The following CTIF variants were observed in gnomAD, a reference collection of about 807,000 sequenced individuals.
CTIF encodes the protein CBP80/20-dependent translation initiation factor.
Under a neutral mutation model 66.0 loss-of-function variants are expected in CTIF, and 21 were observed. That is an observed-to-expected ratio of 0.32 (90% CI 0.23 to 0.46). CTIF has a LOEUF of 0.46. CTIF is among the 20% of genes least tolerant of loss of function. The pLI is 1.00. For synonymous variants in CTIF, 345 were observed against 326.4 expected (o/e 1.06, Z -0.62); for missense variants, 739 against 812.7 (o/e 0.91, Z 1.10).
chr18:48,731,057 G>A (rs918565598), intron 7 of CTIF, among the ~76,000 whole-genome samples: 2 of 152,152 alleles, frequency 1.3e-5, no homozygotes, highest in Non-Finnish European at 2.9e-5. Flanking sequence ...AAAGGCATGA[G>A]GATGAGAAAG....
intron 3 of CTIF, among the ~76,000 whole-genome samples, chr18:48,655,357 G>A (rs924677782): frequency 1.3e-5 from 2 of 150,628 alleles, no homozygotes; most frequent in African/African-American, 2.4e-5. Context: ...GAATGAGGCC[G>A]CAGGAAGCAG....
At chr18:48,616,848 A>T (rs2090409539) in intron 1 of CTIF, among the ~76,000 whole-genome samples, 1 of 152,226 alleles carries the variant, frequency 6.6e-6, no homozygotes, top group Admixed American at 6.5e-5. Flanking sequence ...TGGCAGGTGG[A>T]GGGAAGGAGA....
In CTIF at chr18:48,710,843, G is replaced by A. The variant is rs192914050; in HGVS notation, c.508-776G>A. The stretch of plus-strand genomic sequence containing the variant: ...AAAAACAAGCCAGGCGTGGTGATGT[G>A]TGCCTATGATACTGGCTACACGGGA... On this transcript the variant is annotated intron_variant, in intron 6 of 11. Transcript: ENST00000256413. 3.0e-4 allele frequency among the ~76,000 whole-genome samples: 46 copies of A among 152,272 alleles called. No individual in the cohort carries two copies. In the East Asian group the frequency reaches 5.4e-3, roughly 18 times the overall value.
chr18:48,754,142 A>G (rs979641168), intron 7 of CTIF, among the ~76,000 whole-genome samples: 3 of 152,318 alleles, frequency 2.0e-5, no homozygotes, highest in African/African-American at 7.2e-5. Flanking sequence ...TTTGGACCTC[A>G]TGCAGTTATC....
At chr18:48,693,989 A>G (rs905788926) in intron 6 of CTIF, among the ~76,000 whole-genome samples, 1 of 152,232 alleles carries the variant, frequency 6.6e-6, no homozygotes, top group Non-Finnish European at 1.5e-5. Context: ...GGGAATTTTT[A>G]AAACCACATT....
intron 1 of CTIF, among the ~76,000 whole-genome samples, chr18:48,592,310 C>A (rs2089902258): frequency 6.6e-6 from 1 of 151,960 alleles, no homozygotes; most frequent in African/African-American, 2.4e-5. Flanking sequence ...TTGAGACCAG[C>A]CTGACCAACA....
intron 1 of CTIF, chr18:48,567,902 A>T (rs1437474730): frequency 6.6e-6 from 1 of 152,268 alleles, no homozygotes; most frequent in Admixed American, 6.5e-5. Flanking sequence ...AGCGAGGTGG[A>T]GCGAGCTGGG....
chr18:48,625,885 A>G (rs930818958), intron 2 of CTIF, among the ~76,000 whole-genome samples: 5 of 152,178 alleles, frequency 3.3e-5, no homozygotes, highest in African/African-American at 1.2e-4. Context: ...AAGTAAAATT[A>G]ATTTTAATAG....
At position 48,681,958 on chromosome 18, in the gene CTIF, A is replaced by G. The variant is rs746727356; in HGVS notation, c.507+11214A>G. 7.2e-5 allele frequency among the ~76,000 whole-genome samples: 11 copies of G among 151,876 alleles called. No individual in the cohort carries two copies. The East Asian group carries it at 2.1e-3, about 29-fold the overall frequency. On this transcript the variant is annotated intron_variant, in intron 6 of 11. Coordinates refer to ENST00000256413, the MANE Select transcript of CTIF (RefSeq NM_014772.3). ...GTGCCACCACACCCGGCTAATTTTT[A>G]TGTCTTTAGTAGAGATGAGGTTTCA...
intron 9 of CTIF, among the ~76,000 whole-genome samples, chr18:48,770,323 T>TGCCACTGC (rs531665209): frequency 8.5e-5 from 13 of 152,254 alleles, no homozygotes; most frequent in Middle Eastern, 3.4e-3. Flanking sequence ...TGCGCCACTG[T>TGCCACTGC]GCCACTGCGC....
chr18:48,692,059 T>C (rs1470907839), intron 6 of CTIF, among the ~76,000 whole-genome samples: 1 of 152,184 alleles, frequency 6.6e-6, no homozygotes, highest in Non-Finnish European at 1.5e-5. Context: ...TTGTATATCT[T>C]TTAGTAGAGA....
intron 8 of CTIF, among the ~76,000 whole-genome samples, 169 bp downstream of exon 8, chr18:48,758,574 C>T (rs1280488456): frequency 6.6e-6 from 1 of 152,096 alleles, no homozygotes; most frequent in Non-Finnish European, 1.5e-5. Flanking sequence ...CACTGGTCCA[C>T]CACTGCCAGC....
intron 3 of CTIF, among the ~76,000 whole-genome samples, chr18:48,640,554 T>C (rs1405693893): frequency 6.6e-6 from 1 of 152,202 alleles, no homozygotes; most frequent in African/African-American, 2.4e-5. Flanking sequence ...GTGGGGACAA[T>C]TAGTTTCAGG....
At chr18:48,597,548 G>T (rs964342154) in intron 1 of CTIF, among the ~76,000 whole-genome samples, 1 of 151,876 alleles carries the variant, frequency 6.6e-6, no homozygotes, top group African/African-American at 2.4e-5. Context: ...TTAAAAGTGT[G>T]TGGTACCCTC....
intron 3 of CTIF, among the ~76,000 whole-genome samples, chr18:48,651,119 G>T (rs965647526): frequency 1.3e-5 from 2 of 152,188 alleles, no homozygotes; most frequent in Non-Finnish European, 2.9e-5. Flanking sequence ...ACATCATAAT[G>T]ACAGGATCAA....
At chr18:48,784,286 G>C (rs1490528688) in intron 9 of CTIF, among the ~76,000 whole-genome samples, 1 of 152,230 alleles carries the variant, frequency 6.6e-6, no homozygotes, top group Non-Finnish European at 1.5e-5. Flanking sequence ...ACCTGGGCTG[G>C]GGGTGCCAAA....
intron 1 of CTIF, among the ~76,000 whole-genome samples, chr18:48,569,615 C>G (rs1352448325): frequency 6.6e-6 from 1 of 152,196 alleles, no homozygotes; most frequent in Non-Finnish European, 1.5e-5. Context: ...GATTAAAGTA[C>G]TACGTTTGCA....
intron 10 of CTIF, among the ~76,000 whole-genome samples, chr18:48,856,877 A>G (rs1163375806): frequency 1.3e-5 from 2 of 152,262 alleles, no homozygotes; most frequent in Admixed American, 1.3e-4. Flanking sequence ...ACTGCATTAT[A>G]TACTTTAAAA....
At chr18:48,655,062 T>C (rs950173392) in intron 3 of CTIF, among the ~76,000 whole-genome samples, 1 of 152,010 alleles carries the variant, frequency 6.6e-6, no homozygotes, top group Non-Finnish European at 1.5e-5. Context: ...ACATGGCACA[T>C]GTATACCTAT....
Sources: gnomAD v4.1 joint callset for allele counts (sites outside exome capture counted in the v4.1 genomes callset) on GRCh38, gnomAD v4.1.1 for gene constraint, MANE v1.5 for transcripts, NCBI Gene and HGNC (gene_info 2026-07-23, HGNC 2026-07-21) for gene names.